The following RAB40B variants were observed in gnomAD, a reference collection of about 807,000 sequenced individuals.
The protein encoded by RAB40B is RAB40B, member RAS oncogene family.
In RAB40B, 21 loss-of-function variants were observed where a neutral mutation model predicts 24.0. The ratio of observed to expected loss-of-function variants is 0.88; its 90% CI spans 0.62 to 1.26. RAB40B has a LOEUF of 1.26. Among genes scored for constraint, RAB40B ranks in the 50% most tolerant of loss-of-function variants. The pLI is 0.00. For missense variants in RAB40B, 348 were observed against 390.5 expected, an observed-to-expected ratio of 0.89 and a Z score of 0.92; for synonymous variants, 167 against 169.8, an observed-to-expected ratio of 0.98 and a Z score of 0.13.
chr17:82,661,445 C>T (rs979321827), intron 2 of RAB40B, among the ~76,000 whole-genome samples: 3 of 152,092 alleles, frequency 2.0e-5, no homozygotes, highest in Non-Finnish European at 2.9e-5. Context: ...TGTAAGAGCT[C>T]ACATGGAGTC....
At chr17:82,660,897 A>G (rs2046163516) in intron 3 of RAB40B, 90 bp downstream of exon 3, 3 of 1,475,050 alleles carry the variant, frequency 2.0e-6, no homozygotes, top group East Asian at 2.3e-5. Flanking sequence ...CTTGTCCTCC[A>G]ATCATCCATT....
chr17:82,660,634 C>T (rs369406308), intron 3 of RAB40B, among the ~76,000 whole-genome samples: 7 of 151,908 alleles, frequency 4.6e-5, no homozygotes, highest in South Asian at 4.1e-4. Flanking sequence ...CACACACACA[C>T]GCACAGGCAC....
intron 5 of RAB40B, 58 bp downstream of exon 5, chr17:82,658,433 T>C (rs2046114635): frequency 2.5e-6 from 4 of 1,576,288 alleles, no homozygotes; most frequent in Non-Finnish European, 3.5e-6. Flanking sequence ...AGGGGGCCGC[T>C]GACCCACCTC....
At chr17:82,668,955 G>A (rs988406373) in intron 1 of RAB40B, among the ~76,000 whole-genome samples, 4 of 152,214 alleles carry the variant, frequency 2.6e-5, no homozygotes, top group Non-Finnish European at 2.9e-5. Flanking sequence ...TGGGGCACGC[G>A]GCGTAGCCTC....
At chr17:82,666,325 A>G (rs1447922829) in intron 1 of RAB40B, among the ~76,000 whole-genome samples, 1 of 151,850 alleles carries the variant, frequency 6.6e-6, no homozygotes, top group Non-Finnish European at 1.5e-5. Flanking sequence ...GCTCACTGCA[A>G]CCTCGGCCTC....
rs1182773046 is a variant in RAB40B, at chr17:82,692,927, C to A, written c.142+5528G>T. ...GAATCTATATTTTAAACACTCCTAG[C>A]AAGCATTGAAAGAAATTCAACCTAA... is the stretch of plus-strand genomic sequence containing the variant. On this transcript the variant is annotated intron_variant, in intron 1 of 5. Transcript: ENST00000571995. The surrounding 1 kb of genome is among the most constrained non-coding windows in gnomAD (Gnocchi z 4.0). Among the ~76,000 whole-genome samples, 5 of 152,186 alleles carry A rather than the reference C, an allele frequency of 3.3e-5. No homozygotes were observed.
chr17:82,664,968 C>T (rs2046236280), intron 1 of RAB40B: 2 of 189,802 alleles, frequency 1.1e-5, no homozygotes, highest in East Asian at 3.0e-4. Context: ...AGCTCTGTTT[C>T]CAAGGGAACG....
intron 1 of RAB40B, among the ~76,000 whole-genome samples, chr17:82,695,062 C>T (rs2046594602): frequency 6.6e-6 from 1 of 151,680 alleles, no homozygotes; most frequent in South Asian, 2.1e-4. Context: ...ACTACAGCCA[C>T]AATACAGAAG....
intron 1 of RAB40B, among the ~76,000 whole-genome samples, chr17:82,680,078 C>T (rs908305788): frequency 3.9e-5 from 6 of 152,258 alleles, no homozygotes; most frequent in Non-Finnish European, 8.8e-5. Context: ...CTCCCAGGGC[C>T]TGAGAAGGGG....
intron 4 of RAB40B, chr17:82,658,917 G>A (rs757341805): frequency 5.3e-6 from 3 of 568,118 alleles, no homozygotes; most frequent in Admixed American, 3.1e-5. Context: ...CTCATCTAAT[G>A]ACTGGTGTCC....
chr17:82,672,481 T>C (rs1370082118), intron 1 of RAB40B, among the ~76,000 whole-genome samples: 3 of 152,220 alleles, frequency 2.0e-5, no homozygotes, highest in Non-Finnish European at 2.9e-5. Context: ...CCAGGTGCTA[T>C]GGTTTGAATG....
intron 1 of RAB40B, among the ~76,000 whole-genome samples, chr17:82,688,889 G>A (rs1219659338): frequency 6.6e-6 from 1 of 152,172 alleles, no homozygotes; most frequent in Non-Finnish European, 1.5e-5. Context: ...AGCCAAGATC[G>A]CACCACTGCA....
intron 1 of RAB40B, among the ~76,000 whole-genome samples, chr17:82,678,800 G>A (rs2046419611): frequency 6.6e-6 from 1 of 151,730 alleles, no homozygotes; most frequent in Non-Finnish European, 1.5e-5. Context: ...GTGATTCAAC[G>A]CCGCTTTACA....
At position 82,670,943 on chromosome 17, in the gene RAB40B, G is replaced by A. The variant is rs62079747; in HGVS notation, c.143-6387C>T. On this transcript the variant is annotated intron_variant, in intron 1 of 5. Transcript: ENST00000571995. ...AAGTGCTGTCACGATCCACGATGTT[G>A]GACCCTGGCCCACCCGAACCCCTGT... Among the ~76,000 whole-genome samples, 2,351 of 152,074 alleles carry A rather than the reference G, an allele frequency of 0.015. 127 individuals carry two copies. In the East Asian group the frequency reaches 0.21, roughly 14 times the overall value.
At chr17:82,666,738 C>T (rs1250948356) in intron 1 of RAB40B, among the ~76,000 whole-genome samples, 2 of 152,154 alleles carry the variant, frequency 1.3e-5, no homozygotes, top group African/African-American at 4.8e-5. Flanking sequence ...GGAGCACTGC[C>T]TTCCTAAAAC....
At chr17:82,690,651 CG>C (rs1224119502) in intron 1 of RAB40B, among the ~76,000 whole-genome samples, 1 of 134,434 alleles carries the variant, frequency 7.4e-6, no homozygotes, top group Non-Finnish European at 1.5e-5. Flanking sequence ...CATGTGTTCC[CG>C]GGGAGCAGAG....
intron 1 of RAB40B, among the ~76,000 whole-genome samples, chr17:82,680,786 C>T (rs12944925): frequency 0.12 from 17,635 of 152,086 alleles, 1,269 homozygotes; most frequent in South Asian, 0.18. Context: ...AATCCCAGCA[C>T]TTTGGAAGGC....
At position 82,663,563 on chromosome 17, in the gene RAB40B, A is replaced by C. The variant is rs1211313936; in HGVS notation, c.203+933T>G. 6.6e-6 allele frequency among the ~76,000 whole-genome samples: 1 copy of C among 152,032 alleles called. No homozygotes were observed. The highest frequency in any genetic ancestry group is 1.5e-5 in the Non-Finnish European group (1 of 67,964). ...GGGAGAGGTGCCCCGGGCTTGCCCC[A>C]AGGTGAGGAGCTGGGGTTCTCACAG... On this transcript the variant is annotated intron_variant, in intron 2 of 5. Transcript: ENST00000571995. This position sits in a 1 kb window ranked among gnomAD's most constrained non-coding sequence, Gnocchi z 6.2.
chr17:82,679,898 G>A (rs1031095910), intron 1 of RAB40B, among the ~76,000 whole-genome samples: 2 of 152,258 alleles, frequency 1.3e-5, no homozygotes, highest in African/African-American at 4.8e-5. Flanking sequence ...CGGGGTGAAC[G>A]CAGTCGTGGG....
Sources: gnomAD v4.1 joint callset for allele counts (sites outside exome capture counted in the v4.1 genomes callset) on GRCh38, gnomAD v4.1.1 for gene constraint, Gnocchi (gnomAD v3.1) non-coding constraint, MANE v1.5 for transcripts, NCBI Gene and HGNC (gene_info 2026-07-23, HGNC 2026-07-21) for gene names.